Variants in EYS observed in about 807,000 individuals in gnomAD.
EYS encodes protein eyes shut homolog.
EYS carries 250 observed loss-of-function variants against 282.1 expected under a neutral mutation model. The ratio of observed to expected loss-of-function variants is 0.89; its 90% CI spans 0.80 to 0.98. The LOEUF (loss-of-function observed/expected upper bound fraction) is 0.98. Ranked by LOEUF, EYS falls within the 50% of genes least tolerant of loss-of-function variation. EYS has a pLI of 0.00. For synonymous variants in EYS, 1,355 were observed against 1,282.9 expected (o/e 1.06, Z -1.20); for missense variants, 4,016 against 3,709.0 (o/e 1.08, Z -2.15).
At chr6:64,532,574 T>C (rs796101324) in intron 26 of EYS, among the ~76,000 whole-genome samples, 18 of 152,092 alleles carry the variant, frequency 1.2e-4, no homozygotes, top group African/African-American at 3.9e-4. Context: ...CTGGGCGTGG[T>C]GGCAGGCGCC....
rs116079409 is a variant in EYS at position 65,330,796 on chromosome 6, G to T, written c.1766+4184C>A. 2,308 of 961,984 alleles carry T rather than the reference G, an allele frequency of 2.4e-3. 41 individuals are homozygous for T. In the African/African-American group the frequency reaches 0.035, roughly 14 times the overall value. 59.6% of individuals were successfully genotyped at this position (961,984 alleles called of 1,614,324 possible). ...TTTCTACATTTCTTTCATTTATATC[G>T]TCATTTTACCTTAAACTTTTAGATC... On this transcript the variant is annotated intron_variant, in intron 11 of 42. Transcript: ENST00000503581.
chr6:64,625,886 C>T (rs941130469), intron 23 of EYS, among the ~76,000 whole-genome samples: 2 of 152,152 alleles, frequency 1.3e-5, no homozygotes, highest in African/African-American at 2.4e-5. Flanking sequence ...TAAGGTATTA[C>T]ACTCTAAACA....
intron 5 of EYS, among the ~76,000 whole-genome samples, chr6:65,462,175 A>G (rs1764846825): frequency 6.6e-6 from 1 of 152,150 alleles, no homozygotes; most frequent in Admixed American, 6.6e-5. Context: ...ACTTGGATGA[A>G]TCTCAAAGAT....
chr6:65,140,818 C>T (rs1215673254), intron 12 of EYS, among the ~76,000 whole-genome samples: 1 of 150,162 alleles, frequency 6.7e-6, no homozygotes, highest in African/African-American at 2.4e-5. Context: ...GTTAGAATGG[C>T]AATCATTAAA....
At chr6:64,113,321 G>A (rs918568852) in intron 31 of EYS, among the ~76,000 whole-genome samples, 18 of 152,038 alleles carry the variant, frequency 1.2e-4, no homozygotes, top group African/African-American at 2.4e-4. Context: ...TGATACTGGC[G>A]TTTGAATCTC....
chr6:63,912,568 T>C (rs1764282984), intron 35 of EYS, among the ~76,000 whole-genome samples: 1 of 152,178 alleles, frequency 6.6e-6, no homozygotes, highest in South Asian at 2.1e-4. Flanking sequence ...TGCTTAATAG[T>C]TGCATCAGTG....
chr6:65,633,077 C>A (rs1321906447), intron 2 of EYS, among the ~76,000 whole-genome samples: 2 of 152,110 alleles, frequency 1.3e-5, no homozygotes, highest in Non-Finnish European at 2.9e-5. Flanking sequence ...TATAAAGATA[C>A]TATATAAAGT....
intron 35 of EYS, among the ~76,000 whole-genome samples, chr6:63,870,116 C>A (rs1372489276): frequency 6.6e-6 from 1 of 152,128 alleles, no homozygotes; most frequent in Non-Finnish European, 1.5e-5. Flanking sequence ...CAGGTAATTT[C>A]CTGTAAAGAT....
chr6:65,099,939 A>C (rs1404726652), intron 12 of EYS, among the ~76,000 whole-genome samples: 1 of 150,822 alleles, frequency 6.6e-6, no homozygotes, highest in African/African-American at 2.4e-5. Context: ...AAGACTGACA[A>C]AGTAAGATGT....
intron 31 of EYS, among the ~76,000 whole-genome samples, chr6:64,178,497 T>C (rs1298988353): frequency 6.6e-6 from 1 of 152,048 alleles, no homozygotes; most frequent in East Asian, 1.9e-4. Flanking sequence ...AGTTTACATA[T>C]ATCATGGCTA....
At chr6:64,389,686 C>A (rs1773037821) in intron 28 of EYS, among the ~76,000 whole-genome samples, 1 of 152,168 alleles carries the variant, frequency 6.6e-6, no homozygotes, top group African/African-American at 2.4e-5. Context: ...TTGGTAGATG[C>A]ACTATTCAAT....
At chr6:65,113,670 T>C (rs919207604) in intron 12 of EYS, among the ~76,000 whole-genome samples, 1 of 151,696 alleles carries the variant, frequency 6.6e-6, no homozygotes, top group African/African-American at 2.4e-5. Flanking sequence ...AATTCTTATA[T>C]TGTTGAATGA....
Position 64,146,188 on chromosome 6 carries a change from A to G in EYS, c.6425-64186T>C, listed in dbSNP as rs75237258. Among the ~76,000 whole-genome samples the G allele has an allele frequency of 2.3e-4, 35 of 152,268 alleles. No individual in the cohort carries two copies. In the East Asian group the frequency reaches 6.6e-3, roughly 29 times the overall value. ...AGATTCACAGTCACTTGTGAATATA[A>G]TTAGCTATTTCTAGCTATCCTCATA... On this transcript the variant is annotated intron_variant, in intron 31 of 42. Transcript: ENST00000503581.
chr6:64,541,026 T>C (rs1234859507), intron 26 of EYS, among the ~76,000 whole-genome samples: 1 of 152,230 alleles, frequency 6.6e-6, no homozygotes, highest in African/African-American at 2.4e-5. Flanking sequence ...CTTTCCCATG[T>C]GTCTTCCCAA....
chr6:63,804,025 C>A (rs1396729661), intron 37 of EYS, among the ~76,000 whole-genome samples: 2 of 151,510 alleles, frequency 1.3e-5, no homozygotes, highest in Non-Finnish European at 2.9e-5. Context: ...TTTTCTTTTT[C>A]TTTTTCTTGA....
chr6:65,309,216 G>A (rs1263135514), intron 11 of EYS, among the ~76,000 whole-genome samples: 1 of 152,110 alleles, frequency 6.6e-6, no homozygotes, highest in African/African-American at 2.4e-5. Context: ...AGACAGTTTT[G>A]CGTGTAGGGA....
chr6:65,548,255 T>C (rs902292069), intron 2 of EYS, among the ~76,000 whole-genome samples: 9 of 152,216 alleles, frequency 5.9e-5, no homozygotes, highest in African/African-American at 1.7e-4. Flanking sequence ...AAATGAAATA[T>C]ATTTTCATTA....
intron 12 of EYS, among the ~76,000 whole-genome samples, chr6:65,235,257 T>G (rs1766892555): frequency 6.6e-6 from 1 of 152,188 alleles, no homozygotes; most frequent in Non-Finnish European, 1.5e-5. Flanking sequence ...TGTTCAAGTT[T>G]CTCTTAAATA....
chr6:64,979,619 GT>G (rs1433933574), intron 14 of EYS, among the ~76,000 whole-genome samples: 1 of 151,528 alleles, frequency 6.6e-6, no homozygotes, highest in Non-Finnish European at 1.5e-5. Context: ...TTGTTGACAG[GT>G]AGATTAATTT....
Sources: gnomAD v4.1 joint callset for allele counts (sites outside exome capture counted in the v4.1 genomes callset) on GRCh38, gnomAD v4.1.1 for gene constraint, MANE v1.5 for transcripts, NCBI Gene and HGNC (gene_info 2026-07-23, HGNC 2026-07-21) for gene names.